The following ELMO1 variants were observed in gnomAD, a reference collection of about 807,000 sequenced individuals.
ELMO1 encodes the protein engulfment and cell motility protein 1.
In ELMO1, 26 loss-of-function variants were observed where a neutral mutation model predicts 98.9. That is an observed-to-expected ratio of 0.26 (90% confidence interval 0.19 to 0.36). ELMO1 has a LOEUF of 0.36. ELMO1 is among the 10% of genes least tolerant of loss of function. The pLI, the probability that ELMO1 is intolerant of heterozygous loss-of-function variation, is 1.00. For missense variants in ELMO1, 627 were observed against 935.2 expected (o/e 0.67, Z 4.30); for synonymous variants, 346 against 346.0 (o/e 1.00, Z 0.00).
chr7:36,859,392 T>C (rs771069384), intron 21 of ELMO1, among the ~76,000 whole-genome samples: 3 of 152,194 alleles, frequency 2.0e-5, no homozygotes, highest in Non-Finnish European at 2.9e-5. Flanking sequence ...ATATCCAGAT[T>C]TGCTTCAAAA....
intron 15 of ELMO1, among the ~76,000 whole-genome samples, chr7:37,058,026 G>A (rs1486962212): frequency 1.3e-5 from 2 of 152,308 alleles, no homozygotes; most frequent in Non-Finnish European, 2.9e-5. Context: ...TCAGTGCTAC[G>A]AAGAAAAGAC....
chr7:37,016,579 C>T (rs1254089287), intron 15 of ELMO1, among the ~76,000 whole-genome samples: 4 of 152,160 alleles, frequency 2.6e-5, no homozygotes, highest in African/African-American at 4.8e-5. Context: ...CCTCCTTCAA[C>T]ATAAACCCAG....
chr7:37,395,767 A>T (rs1366307085), intron 1 of ELMO1, among the ~76,000 whole-genome samples: 1 of 151,884 alleles, frequency 6.6e-6, no homozygotes, highest in Non-Finnish European at 1.5e-5. Flanking sequence ...ATTTTAAACC[A>T]CTTCTCTATA....
intron 13 of ELMO1, among the ~76,000 whole-genome samples, chr7:37,182,533 C>T (rs1042238800): frequency 1.5e-5 from 2 of 136,700 alleles, no homozygotes; most frequent in East Asian, 4.3e-4. Flanking sequence ...TGCAATGGCA[C>T]GATCGGTCTC....
At chr7:37,063,647 G>A (rs1176770699) in intron 15 of ELMO1, among the ~76,000 whole-genome samples, 1 of 152,038 alleles carries the variant, frequency 6.6e-6, no homozygotes, top group Non-Finnish European at 1.5e-5. Flanking sequence ...ATCATCCTGG[G>A]TTGCTTTTAA....
At chr7:37,029,408 T>TA (rs35171050) in intron 15 of ELMO1, among the ~76,000 whole-genome samples, 27,252 of 147,726 alleles carry the variant, frequency 0.18, 2,622 homozygotes, top group Middle Eastern at 0.33. Flanking sequence ...CTGATTTCTT[T>TA]AAAAAAAAAA....
intron 1 of ELMO1, among the ~76,000 whole-genome samples, chr7:37,364,957 CTG>C (rs1239617651): frequency 2.0e-5 from 3 of 152,180 alleles, no homozygotes; most frequent in Non-Finnish European, 2.9e-5. Context: ...TCGTGAATGA[CTG>C]TCATAACTTG....
chr7:37,161,929 T>TATATATATATATATATATATATAC (rs1789241936), intron 13 of ELMO1, among the ~76,000 whole-genome samples: 1 of 109,108 alleles, frequency 9.2e-6, no homozygotes, highest in African/African-American at 3.0e-5. Context: ...TATATATATA[T>TATATATATATATATATATATATAC]ATATATGTTA....
intron 4 of ELMO1, among the ~76,000 whole-genome samples, chr7:37,297,609 G>GAA (rs1343293493): frequency 7.3e-6 from 1 of 136,806 alleles, no homozygotes. Flanking sequence ...AGCACTGCTT[G>GAA]AAAAAAAAAA....
intron 13 of ELMO1, among the ~76,000 whole-genome samples, chr7:37,172,238 G>C (rs190072553): frequency 6.6e-6 from 1 of 151,478 alleles, no homozygotes; most frequent in Admixed American, 6.6e-5. Context: ...CCTCCCCTTC[G>C]TTGAAAATCG....
chr7:36,921,853 G>A (rs561775738), intron 16 of ELMO1, among the ~76,000 whole-genome samples: 173 of 152,288 alleles, frequency 1.1e-3, no homozygotes, highest in African/African-American at 4.1e-3. Flanking sequence ...CTGGGCTTTA[G>A]AGATTGGACA....
At chr7:37,376,295 C>T (rs1256636419) in intron 1 of ELMO1, among the ~76,000 whole-genome samples, 1 of 152,162 alleles carries the variant, frequency 6.6e-6, no homozygotes, top group African/African-American at 2.4e-5. Flanking sequence ...TCGAACAGCC[C>T]TTCCTCATTC....
intron 4 of ELMO1, among the ~76,000 whole-genome samples, chr7:37,279,416 C>A (rs1797024593): frequency 6.6e-6 from 1 of 152,124 alleles, no homozygotes; most frequent in African/African-American, 2.4e-5. Context: ...AGATAGACTG[C>A]AAGGACAAAC....
rs3807159 is a variant in ELMO1 at position 36,854,815 on chromosome 7, C to T, written c.*736G>A. ...GGAGCGTGGGTGGAAATGAAGAAGG[C>T]AGTTCTGGCCTGGGGCAGGGAGAGG... On this transcript the variant is annotated 3_prime_UTR_variant, in exon 22 of 22. Transcript: ENST00000310758. The T allele has an allele frequency of 4.3e-3, 667 of 153,562 alleles. 15 individuals carry two copies. In the East Asian group the frequency reaches 0.076, roughly 18 times the overall value. The allele number at this position is 153,562 out of a possible 1,614,324, so 9.5% of individuals were successfully genotyped here.
chr7:37,151,812 G>A (rs1234808919), intron 13 of ELMO1, among the ~76,000 whole-genome samples: 1 of 152,116 alleles, frequency 6.6e-6, no homozygotes, highest in African/African-American at 2.4e-5. Flanking sequence ...GACACCCCAC[G>A]ATAAAGCTAA....
At chr7:36,923,880 T>C (rs1785331760) in intron 16 of ELMO1, among the ~76,000 whole-genome samples, 1 of 152,196 alleles carries the variant, frequency 6.6e-6, no homozygotes, top group Non-Finnish European at 1.5e-5. Context: ...CAGGCAAAGC[T>C]GTGGAATAGC....
intron 14 of ELMO1, among the ~76,000 whole-genome samples, chr7:37,109,303 CAT>C (rs1374508278): frequency 1.3e-5 from 2 of 152,212 alleles, no homozygotes; most frequent in Non-Finnish European, 2.9e-5. Context: ...TGAAAATAAA[CAT>C]TTACAGAACA....
intron 6 of ELMO1, among the ~76,000 whole-genome samples, chr7:37,250,243 G>T (rs960569408): frequency 6.6e-6 from 1 of 152,024 alleles, no homozygotes; most frequent in Non-Finnish European, 1.5e-5. Flanking sequence ...GAAACAGTAC[G>T]CATGCAACAA....
At chr7:37,096,857 G>A in intron 14 of ELMO1, 130 bp from the exon 15 acceptor site, 1 of 816,728 alleles carries the variant, frequency 1.2e-6, no homozygotes, top group Non-Finnish European at 2.0e-6. Flanking sequence ...TTGGGGCCAG[G>A]ACAAAATAGT....
Sources: gnomAD v4.1 joint callset for allele counts (sites outside exome capture counted in the v4.1 genomes callset) on GRCh38, gnomAD v4.1.1 for gene constraint, MANE v1.5 for transcripts, NCBI Gene and HGNC (gene_info 2026-07-23, HGNC 2026-07-21) for gene names.